The following COL4A6 variants were observed in gnomAD, a reference collection of about 807,000 sequenced individuals.
The protein encoded by COL4A6 is collagen type IV alpha 6 chain, also known as collagen alpha-6(IV) chain.
A neutral mutation model predicts 126.7 loss-of-function variants in COL4A6; 59 were observed. That is an observed-to-expected ratio of 0.47 (90% CI 0.38 to 0.58). The LOEUF (loss-of-function observed/expected upper bound fraction) is 0.58. Among genes scored for constraint, COL4A6 ranks in the 20% least tolerant of loss-of-function variants. The pLI is 0.00. For synonymous variants in COL4A6, 547 were observed against 496.6 expected, an observed-to-expected ratio of 1.10 and a Z score of -1.35; for missense variants, 1,285 against 1,337.3, an observed-to-expected ratio of 0.96 and a Z score of 0.61.
intron 3 of COL4A6, among the ~76,000 whole-genome samples, chrX:108,251,929 T>C (rs961465831): frequency 1.8e-5 from 2 of 111,806 alleles, no homozygotes; most frequent in African/African-American, 6.5e-5. Context: ...AATGATCAAA[T>C]TAGGGTACTT....
intron 3 of COL4A6, among the ~76,000 whole-genome samples, chrX:108,296,971 C>T (rs748581065): frequency 1.3e-4 from 15 of 111,824 alleles, no homozygotes; most frequent in Non-Finnish European, 2.1e-4. Flanking sequence ...AAGATGAGGA[C>T]TGAGAGATTA....
chrX:108,370,198 T>A (rs2148095587), intron 2 of COL4A6, among the ~76,000 whole-genome samples: 1 of 112,382 alleles, frequency 8.9e-6, no homozygotes, highest in South Asian at 3.7e-4. Context: ...TTAAATTTGG[T>A]TTGTGTTGAT....
At chrX:108,272,430 CTT>C (rs1315378224) in intron 3 of COL4A6, among the ~76,000 whole-genome samples, 1 of 111,696 alleles carries the variant, frequency 9.0e-6, no homozygotes, top group Non-Finnish European at 1.9e-5. Context: ...ACTTTTGAGA[CTT>C]TACTCAAACC....
chrX:108,248,018 C>G (rs747119821), intron 3 of COL4A6, among the ~76,000 whole-genome samples: 2 of 111,522 alleles, frequency 1.8e-5, no homozygotes, highest in Admixed American at 1.9e-4. Flanking sequence ...CCATCAGATT[C>G]TTAAAGGGGT....
chrX:108,255,153 AT>A (rs759342654), intron 3 of COL4A6, among the ~76,000 whole-genome samples: 1 of 83,525 alleles, frequency 1.2e-5, no homozygotes, highest in East Asian at 4.6e-4. Context: ...AGTTTTGCTG[AT>A]TGCTCAAGCC....
intron 2 of COL4A6, among the ~76,000 whole-genome samples, chrX:108,396,348 C>G (rs976347713): frequency 1.8e-5 from 2 of 111,353 alleles, no homozygotes; most frequent in African/African-American, 6.5e-5. Context: ...TTCAAGGCCT[C>G]CCAAGAATGA....
chrX:108,182,804 G>T (rs1184237638), intron 23 of COL4A6, among the ~76,000 whole-genome samples: 1 of 112,508 alleles, frequency 8.9e-6, no homozygotes, highest in Non-Finnish European at 1.9e-5. Context: ...AACAAACTTA[G>T]TAAAATAAAA....
intron 23 of COL4A6, among the ~76,000 whole-genome samples, chrX:108,184,379 G>T (rs1325840049): frequency 2.7e-5 from 3 of 112,315 alleles, no homozygotes; most frequent in African/African-American, 9.7e-5. Context: ...CTCATGTTGA[G>T]ACTTGGTTTC....
intron 2 of COL4A6, among the ~76,000 whole-genome samples, chrX:108,331,395 A>G (rs1227529751): frequency 8.9e-6 from 1 of 112,163 alleles, no homozygotes; most frequent in Non-Finnish European, 1.9e-5. Context: ...GCTAGGCTAT[A>G]TTTTATAGCC....
intron 23 of COL4A6, among the ~76,000 whole-genome samples, 152 bp downstream of exon 23, chrX:108,186,943 AC>A (rs1255379619): frequency 1.8e-5 from 2 of 111,471 alleles, no homozygotes; most frequent in Non-Finnish European, 3.8e-5. Flanking sequence ...CAATTATAAT[AC>A]TTTTTTTCAC....
At chrX:108,229,651 T>C (rs766321736) in intron 3 of COL4A6, among the ~76,000 whole-genome samples, 1 of 112,768 alleles carries the variant, frequency 8.9e-6, no homozygotes, top group African/African-American at 3.2e-5. Flanking sequence ...AAGTTATTTG[T>C]TGTTATTGAT....
At chrX:108,426,402 CT>C (rs1378900163) in intron 2 of COL4A6, among the ~76,000 whole-genome samples, 2 of 111,692 alleles carry the variant, frequency 1.8e-5, no homozygotes, top group Non-Finnish European at 3.8e-5. Flanking sequence ...CCAACTCCCC[CT>C]CAATACAAGC....
At chrX:108,354,024 G>C (rs894523066) in intron 2 of COL4A6, among the ~76,000 whole-genome samples, 5 of 111,416 alleles carry the variant, frequency 4.5e-5, no homozygotes, top group Non-Finnish European at 9.4e-5. Flanking sequence ...ATGGTGGCAT[G>C]TGCCTGTAAT....
intron 2 of COL4A6, among the ~76,000 whole-genome samples, chrX:108,336,178 C>T (rs191029407): frequency 1.3e-3 from 140 of 111,750 alleles, no homozygotes; most frequent in African/African-American, 4.2e-3. Context: ...AAAACTTCTA[C>T]GCCAATGTTG....
At chrX:108,406,129 G>A (rs2041202213) in intron 2 of COL4A6, among the ~76,000 whole-genome samples, 1 of 110,898 alleles carries the variant, frequency 9.0e-6, no homozygotes, top group African/African-American at 3.3e-5. Flanking sequence ...CACAATGCCT[G>A]GCTAATTTTA....
chrX:108,317,823 G>T (rs1276090633), intron 2 of COL4A6, among the ~76,000 whole-genome samples: 3 of 111,960 alleles, frequency 2.7e-5, no homozygotes, highest in African/African-American at 9.7e-5. Context: ...CTGTTTTGGT[G>T]ACTGTAGCCT....
chrX:108,363,923 T>C (rs1254728600), intron 2 of COL4A6, among the ~76,000 whole-genome samples: 1 of 110,760 alleles, frequency 9.0e-6, no homozygotes, highest in Non-Finnish European at 1.9e-5. Flanking sequence ...CAGGCTGGAG[T>C]GCAGTGGTGC....
chrX:108,222,753 G>A (rs894925769), intron 3 of COL4A6, among the ~76,000 whole-genome samples: 3 of 111,901 alleles, frequency 2.7e-5, no homozygotes, highest in African/African-American at 9.8e-5. Flanking sequence ...TTCATTCTGG[G>A]AATGATGGGG....
intron 2 of COL4A6, among the ~76,000 whole-genome samples, chrX:108,422,199 C>T (rs1164458548): frequency 1.8e-5 from 2 of 110,120 alleles, no homozygotes; most frequent in East Asian, 2.9e-4. Flanking sequence ...CTTGTTTCTA[C>T]AAAAAATTTT....
Sources: allele counts gnomAD v4.1 joint callset (sites outside exome capture counted in the v4.1 genomes callset), GRCh38; gene constraint gnomAD v4.1.1; transcripts MANE v1.5; gene names NCBI Gene and HGNC (gene_info 2026-07-23, HGNC 2026-07-21).